The following CCDC88C variants were observed in gnomAD, a reference collection of about 807,000 sequenced individuals.
CCDC88C encodes the protein coiled-coil and HOOK domain protein 88C, also known as protein Daple.
A neutral mutation model predicts 198.8 loss-of-function variants in CCDC88C; 131 were observed. The observed-to-expected ratio is 0.66, with a 90% CI of 0.57 to 0.76. The LOEUF (loss-of-function observed/expected upper bound fraction) is 0.76. Among genes scored for constraint, CCDC88C ranks in the 30% least tolerant of loss-of-function variants. The probability of loss-of-function intolerance (pLI) is 0.00; values close to 1 mark genes in which losing one functional copy is unlikely to be tolerated. For missense variants in CCDC88C, 2,553 were observed against 2,631.6 expected, an observed-to-expected ratio of 0.97 and a Z score of 0.65; for synonymous variants, 1,166 against 1,114.7, an observed-to-expected ratio of 1.05 and a Z score of -0.92.
chr14:91,374,908 C>T (rs554947173), intron 3 of CCDC88C, among the ~76,000 whole-genome samples: 1 of 152,182 alleles, frequency 6.6e-6, no homozygotes, highest in African/African-American at 2.4e-5. Context: ...GGGCCAAGAT[C>T]GGTCAATGGT....
At chr14:91,402,029 C>T (rs1185076800) in intron 3 of CCDC88C, among the ~76,000 whole-genome samples, 1 of 152,146 alleles carries the variant, frequency 6.6e-6, no homozygotes, top group Non-Finnish European at 1.5e-5. Flanking sequence ...AATCCCAGCA[C>T]TTTGAGAGGG....
intron 5 of CCDC88C, 101 bp downstream of exon 5, chr14:91,343,498 G>A (rs1893392145): frequency 6.5e-7 from 1 of 1,538,216 alleles, no homozygotes; most frequent in East Asian, 2.4e-5. Flanking sequence ...GGACTGAAAG[G>A]AGCATCCTCC....
chr14:91,312,684 A>AAAAT (rs758408630), intron 15 of CCDC88C, among the ~76,000 whole-genome samples: 3 of 152,226 alleles, frequency 2.0e-5, no homozygotes, highest in East Asian at 1.9e-4. Flanking sequence ...CTCCGTCTCA[A>AAAAT]AAATAAATAA....
rs1217807928 is a variant in CCDC88C, at chr14:91,343,581, G to C, written c.399+18C>G. On this transcript the variant is annotated intron_variant, in intron 5 of 29. Coordinates refer to ENST00000389857, the MANE Select transcript of CCDC88C (RefSeq NM_001080414.4). The stretch of plus-strand genomic sequence containing the variant: ...GGCTGGGGTAGGTCCCTCTGCTGCA[G>C]CCCTGCCCAATCCCTACCTGGACAG... 7.4e-6 allele frequency: 12 copies of C among 1,613,324 alleles called. No individual in the cohort carries two copies. The highest frequency in any genetic ancestry group is 1.0e-5 in the Non-Finnish European group (12 of 1,179,850).
chr14:91,410,207 C>T lies in CCDC88C; in HGVS notation c.162-1440G>A, dbSNP rs1306361133. Reference sequence around the variant, plus strand: ...TCAGCATTACTGAGTTCGCTTCCACCCTTCCACAGACTGTGCGCTGCTTTT... The same window carrying T: ...TCAGCATTACTGAGTTCGCTTCCACTCTTCCACAGACTGTGCGCTGCTTTT... On this transcript the variant is annotated intron_variant, in intron 2 of 29. Coordinates refer to ENST00000389857, the MANE Select transcript of CCDC88C (RefSeq NM_001080414.4). Among the ~76,000 whole-genome samples, 8 of 152,216 alleles carry T rather than the reference C, an allele frequency of 5.3e-5. No individual in the cohort carries two copies. The South Asian group carries it at 1.7e-3, about 31-fold the overall frequency.
chr14:91,337,880 G>A, intron 10 of CCDC88C, 125 bp downstream of exon 10: 1 of 1,195,734 alleles, frequency 8.4e-7, no homozygotes, highest in Admixed American at 2.0e-5. Context: ...TGAGGTGCCG[G>A]GGAAGCATCT....
chr14:91,405,023 C>A (rs897801343), intron 3 of CCDC88C, among the ~76,000 whole-genome samples: 20 of 151,792 alleles, frequency 1.3e-4, no homozygotes, highest in African/African-American at 4.1e-4. Flanking sequence ...CCAGAAGAGT[C>A]CAATGCAGTA....
chr14:91,309,078 A>G (rs1891688069), intron 16 of CCDC88C, among the ~76,000 whole-genome samples: 1 of 152,138 alleles, frequency 6.6e-6, no homozygotes, highest in Non-Finnish European at 1.5e-5. Context: ...AAAATACAAA[A>G]ATTAGCTGGG....
intron 2 of CCDC88C, among the ~76,000 whole-genome samples, chr14:91,412,387 C>T (rs574481766): frequency 6.6e-6 from 1 of 152,026 alleles, no homozygotes; most frequent in South Asian, 2.1e-4. Flanking sequence ...TTATTTTGCT[C>T]ATCTGTATAT....
chr14:91,331,190 C>A (rs1262292739), intron 10 of CCDC88C, among the ~76,000 whole-genome samples: 2 of 152,154 alleles, frequency 1.3e-5, no homozygotes, highest in Non-Finnish European at 2.9e-5. Context: ...TGCTTTCACA[C>A]AGGTCTGCCT....
intron 3 of CCDC88C, among the ~76,000 whole-genome samples, chr14:91,394,642 G>T (rs1364508680): frequency 2.6e-5 from 4 of 152,182 alleles, no homozygotes; most frequent in Non-Finnish European, 4.4e-5. Flanking sequence ...TTTCCATGCT[G>T]GTGTGACAGA....
chr14:91,345,960 C>T (rs748125462), intron 4 of CCDC88C, among the ~76,000 whole-genome samples: 8 of 151,818 alleles, frequency 5.3e-5, no homozygotes, highest in African/African-American at 1.5e-4. Context: ...TGTTCTTTTT[C>T]GTTATATCCT....
In CCDC88C at chr14:91,329,000, C is replaced by T. The variant is rs181429670; in HGVS notation, c.1051-2944G>A. Among the ~76,000 whole-genome samples, 542 of 152,268 alleles carry T rather than the reference C, an allele frequency of 3.6e-3. 7 individuals are homozygous for T. The highest frequency in any genetic ancestry group is 0.012 in the African/African-American group (518 of 41,534). On this transcript the variant is annotated intron_variant, in intron 10 of 29. Coordinates refer to ENST00000389857, the MANE Select transcript of CCDC88C (RefSeq NM_001080414.4). Reference sequence around the variant, plus strand: ...GATGCCGTATGGTTCCCTAAGGGGGCCATAGCAGCAGGAGGCTGGCCCAGG... The same window carrying T: ...GATGCCGTATGGTTCCCTAAGGGGGTCATAGCAGCAGGAGGCTGGCCCAGG...
intron 12 of CCDC88C, among the ~76,000 whole-genome samples, chr14:91,322,390 T>C (rs965826173): frequency 6.6e-6 from 1 of 152,120 alleles, no homozygotes; most frequent in African/African-American, 2.4e-5. Flanking sequence ...CAGAACGCCC[T>C]AAAGACCCAA....
At chr14:91,353,013 G>T (rs1893884604) in intron 4 of CCDC88C, among the ~76,000 whole-genome samples, 1 of 151,552 alleles carries the variant, frequency 6.6e-6, no homozygotes. Context: ...GTGCCGTGTG[G>T]GCTACGAGAG....
intron 3 of CCDC88C, among the ~76,000 whole-genome samples, chr14:91,395,615 C>A (rs1885794342): frequency 6.6e-6 from 1 of 152,140 alleles, no homozygotes; most frequent in African/African-American, 2.4e-5. Context: ...GCTGGCTCAC[C>A]CACTTCCACC....
chr14:91,356,966 G>A (rs564131985), intron 4 of CCDC88C, among the ~76,000 whole-genome samples: 1 of 152,304 alleles, frequency 6.6e-6, no homozygotes, highest in African/African-American at 2.4e-5. Flanking sequence ...GCGGGGAGAA[G>A]GATGCGTTTA....
chr14:91,401,348 T>TA (rs1453738433), intron 3 of CCDC88C, among the ~76,000 whole-genome samples: 9 of 85,682 alleles, frequency 1.1e-4, no homozygotes, highest in East Asian at 1.0e-3. Flanking sequence ...ATATATATAT[T>TA]TTTTGAGACG....
chr14:91,395,906 T>TC (rs1481772026), intron 3 of CCDC88C, among the ~76,000 whole-genome samples: 1 of 152,000 alleles, frequency 6.6e-6, no homozygotes, highest in Non-Finnish European at 1.5e-5. Flanking sequence ...AATCTCTGCC[T>TC]CCCCCCTAAA....
Sources: allele counts gnomAD v4.1 joint callset (sites outside exome capture counted in the v4.1 genomes callset), GRCh38; gene constraint gnomAD v4.1.1; transcripts MANE v1.5; gene names NCBI Gene and HGNC (gene_info 2026-07-23, HGNC 2026-07-21).